CFAP44: variants seen among roughly 807,000 people sequenced by gnomAD.
The protein encoded by CFAP44 is cilia and flagella associated protein 44, also known as cilia- and flagella-associated protein 44.
In CFAP44, 134 loss-of-function variants were observed where a neutral mutation model predicts 216.2. The observed-to-expected ratio is 0.62, with a 90% CI of 0.54 to 0.72. The LOEUF (loss-of-function observed/expected upper bound fraction) is 0.72, where lower values mean the gene tolerates loss of function less well. Among genes scored for constraint, CFAP44 ranks in the 30% least tolerant of loss-of-function variants. CFAP44 has a pLI of 0.00. For synonymous variants in CFAP44, 700 were observed against 727.6 expected, an observed-to-expected ratio of 0.96 and a Z score of 0.61; for missense variants, 2,035 against 2,182.1, an observed-to-expected ratio of 0.93 and a Z score of 1.34.
At position 113,291,735 on chromosome 3, in the gene CFAP44, T is replaced by C; in HGVS notation, c.5387A>G (p.Gln1796Arg). Residue 1796 changes from glutamine (Q) to arginine (R), a missense_variant, in exon 35 of 35, where the codon CAG becomes CGG. Coordinates refer to ENST00000393845, the MANE Select transcript of CFAP44 (RefSeq NM_001164496.2). ...CACAACATCTGCTTCCCGAGGGCCC[T>C]GGAAGGCATTGCCCTGTTGAAAGAA... ...TLQNQQGNAF[Q>R]GPREADVVAR... The C allele has an allele frequency of 6.5e-7, 1 of 1,535,818 alleles. No individual in the cohort carries two copies. Among genetic ancestry groups the C allele is most frequent in the Non-Finnish European group, 8.7e-7 (1 of 1,146,896 alleles).
intron 21 of CFAP44, chr3:113,361,047 C>A: frequency 3.7e-6 from 1 of 267,850 alleles, no homozygotes; most frequent in Non-Finnish European, 7.8e-6. Context: ...GGATTCCTGG[C>A]TATTACCAAG....
At chr3:113,411,060 A>G (rs1428103984) in intron 6 of CFAP44, among the ~76,000 whole-genome samples, 1 of 151,922 alleles carries the variant, frequency 6.6e-6, no homozygotes, top group Admixed American at 6.6e-5. Flanking sequence ...TTGTCAGATG[A>G]GTAGATTGCA....
chr3:113,409,060 T>C, intron 7 of CFAP44, 46 bp downstream of exon 7: 4 of 704,088 alleles, frequency 5.7e-6, no homozygotes, highest in Non-Finnish European at 8.4e-6. Context: ...CTTAGAAAAA[T>C]ACTCCTGTGA....
intron 21 of CFAP44, chr3:113,362,886 TC>T (rs1950554698): frequency 3.3e-6 from 4 of 1,205,030 alleles, no homozygotes; most frequent in Non-Finnish European, 4.1e-6. Flanking sequence ...CTTTATTTCT[TC>T]CCCATGTATT....
intron 34 of CFAP44, chr3:113,294,018 G>C (rs1234848837): frequency 1.5e-5 from 7 of 456,296 alleles, no homozygotes; most frequent in African/African-American, 6.0e-5. Context: ...GGAACACTTA[G>C]CTTAGACCAT....
At chr3:113,357,046 TA>T (rs1401637641) in intron 22 of CFAP44, among the ~76,000 whole-genome samples, 1 of 152,140 alleles carries the variant, frequency 6.6e-6, no homozygotes, top group Non-Finnish European at 1.5e-5. Context: ...AACCCAGTTT[TA>T]AAAATGGACA....
In CFAP44 at chr3:113,391,685, G is replaced by A. The variant is rs575655280; in HGVS notation, c.1890+4065C>T. 7.2e-5 allele frequency among the ~76,000 whole-genome samples: 11 copies of A among 151,742 alleles called. No individual in the cohort carries two copies. The East Asian group carries it at 1.2e-3, about 16-fold the overall frequency. Reference sequence around the variant, plus strand: ...GGAATTAATAACCAGAATATATAAGGAGCCCAAACAACTCTATGGGGGAAA... The same window carrying A: ...GGAATTAATAACCAGAATATATAAGAAGCCCAAACAACTCTATGGGGGAAA... On this transcript the variant is annotated intron_variant, in intron 15 of 34. Coordinates refer to ENST00000393845, the MANE Select transcript of CFAP44 (RefSeq NM_001164496.2).
chr3:113,358,921 T>A, intron 21 of CFAP44, 46 bp from the exon 22 acceptor site: 1 of 1,511,744 alleles, frequency 6.6e-7, no homozygotes, highest in Non-Finnish European at 8.8e-7. Context: ...CTGTATCAAC[T>A]CTGTTTCATA....
At chr3:113,333,282 C>T in intron 25 of CFAP44, 124 bp downstream of exon 25, 1 of 852,102 alleles carries the variant, frequency 1.2e-6, no homozygotes, top group Non-Finnish European at 1.8e-6. Context: ...GAAGTCTTTT[C>T]CAGTTCTAAA....
intron 28 of CFAP44, among the ~76,000 whole-genome samples, chr3:113,312,820 G>A (rs756941392): frequency 2.6e-5 from 4 of 152,170 alleles, no homozygotes; most frequent in Admixed American, 1.3e-4. Context: ...TTGAACCTGT[G>A]AGTGCACAGA....
intron 1 of CFAP44, among the ~76,000 whole-genome samples, chr3:113,435,108 G>A (rs908475162): frequency 1.3e-5 from 2 of 152,178 alleles, no homozygotes; most frequent in East Asian, 3.8e-4. Context: ...CTGTAATCCT[G>A]GCAGTTTGAC....
chr3:113,359,396 A>G (rs1950518207), intron 21 of CFAP44, among the ~76,000 whole-genome samples: 1 of 152,206 alleles, frequency 6.6e-6, no homozygotes, highest in Non-Finnish European at 1.5e-5. Flanking sequence ...CCCTGGAAAA[A>G]TATCAGAGCC....
At chr3:113,310,578 T>G (rs1950028358) in intron 28 of CFAP44, among the ~76,000 whole-genome samples, 1 of 152,216 alleles carries the variant, frequency 6.6e-6, no homozygotes, top group Non-Finnish European at 1.5e-5. Context: ...TTTTTAGGAT[T>G]CAATTAAAAG....
At position 113,327,667 on chromosome 3, in the gene CFAP44, G is replaced by A. The variant is rs1308608231; in HGVS notation, c.4269C>T (p.Asn1423=). Residue 1423 remains asparagine (N), a synonymous_variant, in exon 27 of 35, where the codon AAC becomes AAT. Coordinates refer to ENST00000393845, the MANE Select transcript of CFAP44 (RefSeq NM_001164496.2). ...LLLKNFEKQE[N]ILQERVNSLD... ...AGGAATTAACACGTTCTTGAAGTAT[G>A]TTCTCCTGTTTTTCAAAATTCTTCA... 1 of 1,536,822 alleles carries A rather than the reference G, an allele frequency of 6.5e-7. No individual in the cohort carries two copies. Among genetic ancestry groups the A allele is most frequent in the African/African-American group, 1.4e-5 (1 of 73,022 alleles).
chr3:113,373,448 C>T lies in CFAP44; in HGVS notation c.2407G>A (p.Asp803Asn). The T allele has an allele frequency of 2.5e-6, 4 of 1,605,564 alleles. No homozygotes were observed. The highest frequency in any genetic ancestry group is 3.4e-6 in the Non-Finnish European group (4 of 1,175,476). The change falls in exon 18 of 35, where the codon GAT (aspartate) becomes AAT (asparagine). Residue 803 changes from aspartate to asparagine, a missense_variant. By Grantham distance (23) the Asp-to-Asn change is conservative. Coordinates refer to ENST00000393845, the MANE Select transcript of CFAP44 (RefSeq NM_001164496.2). ...GTTTGGATGGGATTGTCCTCTGTAT[C>T]CGCAAGATAACGGACATCAATAGGT... The part of the protein sequence containing the change: ...DEPIDVRYLA[D>N]TEDNPIQTIT...
At chr3:113,403,096 A>G (rs199758390) in intron 9 of CFAP44, among the ~76,000 whole-genome samples, 13 of 51,408 alleles carry the variant, frequency 2.5e-4, no homozygotes, top group Admixed American at 1.3e-3. Flanking sequence ...CTTAAAAAAG[A>G]AAAAAAAAAG....
intron 4 of CFAP44, among the ~76,000 whole-genome samples, chr3:113,421,891 C>A (rs1160250662): frequency 6.6e-6 from 1 of 151,994 alleles, no homozygotes. Context: ...GTACTATGTT[C>A]ACTATGTGGG....
chr3:113,379,179 A>G (rs1473647479), intron 17 of CFAP44, 127 bp downstream of exon 17: 4 of 756,942 alleles, frequency 5.3e-6, no homozygotes, highest in Admixed American at 3.7e-5. Flanking sequence ...TATTTAATAA[A>G]TGAAATCTAA....
chr3:113,412,545 C>T (rs1226328059), intron 6 of CFAP44, among the ~76,000 whole-genome samples: 1 of 152,076 alleles, frequency 6.6e-6, no homozygotes, highest in African/African-American at 2.4e-5. Context: ...CCCAACAGGC[C>T]CTGGTGTGTG....
Sources: allele counts gnomAD v4.1 joint callset (sites outside exome capture counted in the v4.1 genomes callset), GRCh38; gene constraint gnomAD v4.1.1; transcripts MANE v1.5; gene names NCBI Gene and HGNC (gene_info 2026-07-23, HGNC 2026-07-21).